GPC3: variants seen among roughly 807,000 people sequenced by gnomAD.
GPC3 encodes the protein glypican 3.
A neutral mutation model predicts 34.4 loss-of-function variants in GPC3; 3 were observed. That is an observed-to-expected ratio of 0.09 (90% CI 0.04 to 0.23). The LOEUF (loss-of-function observed/expected upper bound fraction) is 0.23. GPC3 is among the 10% of genes least tolerant of loss of function. The pLI is 1.00. For missense variants in GPC3, 351 were observed against 445.6 expected, an observed-to-expected ratio of 0.79 and a Z score of 1.91; for synonymous variants, 177 against 174.0, an observed-to-expected ratio of 1.02 and a Z score of -0.13.
At chrX:133,734,123 G>A (rs2071487275) in intron 3 of GPC3, among the ~76,000 whole-genome samples, 1 of 111,667 alleles carries the variant, frequency 9.0e-6, no homozygotes, top group Non-Finnish European at 1.9e-5. Context: ...TTCTCATAAG[G>A]ACAGATATAA....
intron 5 of GPC3, among the ~76,000 whole-genome samples, chrX:133,682,373 G>T (rs1005306593): frequency 9.0e-6 from 1 of 111,546 alleles, no homozygotes; most frequent in Non-Finnish European, 1.9e-5. Flanking sequence ...TAGCAGTTTC[G>T]TTCCCAAAGA....
intron 2 of GPC3, among the ~76,000 whole-genome samples, chrX:133,896,846 C>A (rs1247467868): frequency 9.1e-6 from 1 of 109,348 alleles, no homozygotes; most frequent in Non-Finnish European, 1.9e-5. Flanking sequence ...CTAGTACCTA[C>A]AGGATTCAAA....
At chrX:133,625,131 ACT>A (rs2070285105) in intron 6 of GPC3, among the ~76,000 whole-genome samples, 1 of 111,405 alleles carries the variant, frequency 9.0e-6, no homozygotes, top group South Asian at 3.8e-4. Flanking sequence ...CATGCTAAAA[ACT>A]CTCAATAAAC....
At chrX:133,838,542 A>T (rs1279824933) in intron 2 of GPC3, among the ~76,000 whole-genome samples, 4 of 112,675 alleles carry the variant, frequency 3.6e-5, no homozygotes, top group Non-Finnish European at 7.5e-5. Flanking sequence ...AGAAAAAAAG[A>T]TCTGCAGGGT....
chrX:133,549,202 C>T (rs2069411162), intron 7 of GPC3, among the ~76,000 whole-genome samples: 2 of 111,045 alleles, frequency 1.8e-5, no homozygotes, highest in Non-Finnish European at 3.8e-5. Flanking sequence ...TCTCCTCTTT[C>T]CTTCAGCTTC....
intron 2 of GPC3, among the ~76,000 whole-genome samples, chrX:133,824,646 T>C (rs1313081422): frequency 9.0e-6 from 1 of 111,660 alleles, no homozygotes; most frequent in African/African-American, 3.3e-5. Flanking sequence ...CTATGCTAAA[T>C]ACCCTGATTT....
chrX:133,643,669 C>T (rs1010672810), intron 6 of GPC3, among the ~76,000 whole-genome samples: 2 of 110,512 alleles, frequency 1.8e-5, no homozygotes, highest in African/African-American at 6.6e-5. Context: ...TCATAGTCTG[C>T]GTTGTTTTTT....
chrX:133,910,436 T>A (rs2076193026), intron 2 of GPC3, among the ~76,000 whole-genome samples: 1 of 111,300 alleles, frequency 9.0e-6, no homozygotes, highest in African/African-American at 3.3e-5. Context: ...CAGACTTGAG[T>A]GCTAGTTCCA....
At chrX:133,943,978 G>A (rs1287233291) in intron 2 of GPC3, among the ~76,000 whole-genome samples, 1 of 111,649 alleles carries the variant, frequency 9.0e-6, no homozygotes, top group Non-Finnish European at 1.9e-5. Context: ...GCAGGCAACA[G>A]GATCTATCTT....
chrX:133,821,544 T>A (rs1400747944), intron 2 of GPC3, among the ~76,000 whole-genome samples: 1 of 111,998 alleles, frequency 8.9e-6, no homozygotes, highest in African/African-American at 3.3e-5. Context: ...TAGAGATACA[T>A]ATATATTCGG....
intron 2 of GPC3, among the ~76,000 whole-genome samples, chrX:133,927,586 TC>T (rs2076281216): frequency 9.1e-6 from 1 of 109,446 alleles, no homozygotes; most frequent in Non-Finnish European, 1.9e-5. Context: ...CAGGTAATCC[TC>T]CTGCTTCAGC....
At position 133,566,081 on chromosome X, in the gene GPC3, T is replaced by A. The variant is rs752809247; in HGVS notation, c.1574-29788A>T. Reference sequence around the variant, plus strand: ...GATCAAATTGGAAGAGTGACTTTAATTTTTCTAAATAAAGCAGTCAGGTCC... The same window carrying A: ...GATCAAATTGGAAGAGTGACTTTAAATTTTCTAAATAAAGCAGTCAGGTCC... On this transcript the variant is annotated intron_variant, in intron 7 of 7. Coordinates refer to ENST00000370818, the MANE Select transcript of GPC3 (RefSeq NM_004484.4). Among the ~76,000 whole-genome samples, 95 of 112,479 alleles carry A rather than the reference T, an allele frequency of 8.4e-4. 1 individual carries two copies. Among genetic ancestry groups the A allele is most frequent in the African/African-American group, 3.0e-3 (92 of 30,999 alleles).
intron 6 of GPC3, among the ~76,000 whole-genome samples, chrX:133,610,034 T>C (rs1366996411): frequency 8.9e-6 from 1 of 111,998 alleles, no homozygotes; most frequent in Non-Finnish European, 1.9e-5. Flanking sequence ...TCATCAAGCA[T>C]TCCCAAGACA....
intron 2 of GPC3, among the ~76,000 whole-genome samples, chrX:133,885,417 C>T (rs540479808): frequency 2.9e-4 from 32 of 111,662 alleles, no homozygotes; most frequent in African/African-American, 1.0e-3. Flanking sequence ...GAAAAGGTAT[C>T]TCGGCAGCAA....
chrX:133,547,389 T>G (rs2069395552), intron 7 of GPC3, among the ~76,000 whole-genome samples: 1 of 111,427 alleles, frequency 9.0e-6, no homozygotes, highest in Non-Finnish European at 1.9e-5. Context: ...CATCTGGGGA[T>G]GCTCCCTAGT....
At chrX:133,772,435 A>C (rs943537032) in intron 2 of GPC3, among the ~76,000 whole-genome samples, 2 of 111,798 alleles carry the variant, frequency 1.8e-5, no homozygotes, top group African/African-American at 6.5e-5. Context: ...GAATACATTC[A>C]CCATGATAGG....
chrX:133,738,855 G>A (rs1293222861), intron 3 of GPC3, among the ~76,000 whole-genome samples: 1 of 111,611 alleles, frequency 9.0e-6, no homozygotes, highest in East Asian at 2.8e-4. Flanking sequence ...GAACATCTGG[G>A]GGATATGATT....
At chrX:133,722,533 C>T (rs868414531) in intron 3 of GPC3, among the ~76,000 whole-genome samples, 3 of 112,146 alleles carry the variant, frequency 2.7e-5, no homozygotes, top group Non-Finnish European at 5.6e-5. Flanking sequence ...CAACATATGT[C>T]GTTTTCATAA....
At chrX:133,737,201 G>C (rs752048684) in intron 3 of GPC3, among the ~76,000 whole-genome samples, 12 of 112,354 alleles carry the variant, frequency 1.1e-4, no homozygotes, top group Non-Finnish European at 2.3e-4. Flanking sequence ...GAGGTTAGTG[G>C]AGAGGGAGGG....
Sources: allele counts gnomAD v4.1 joint callset (sites outside exome capture counted in the v4.1 genomes callset), GRCh38; gene constraint gnomAD v4.1.1; transcripts MANE v1.5; gene names NCBI Gene and HGNC (gene_info 2026-07-23, HGNC 2026-07-21).